Variants in LGSN observed in about 807,000 individuals in gnomAD.
LGSN encodes the protein lengsin, lens protein with glutamine synthetase domain.
In LGSN, 21 loss-of-function variants were observed where a neutral mutation model predicts 19.5. The observed-to-expected ratio is 1.07, with a 90% CI of 0.76 to 1.55. The LOEUF (loss-of-function observed/expected upper bound fraction) is 1.55. Ranked by LOEUF, LGSN falls within the 40% of genes most tolerant of loss-of-function variation. LGSN has a pLI of 0.00. For synonymous variants in LGSN, 257 were observed against 215.6 expected (o/e 1.19, Z -1.68); for missense variants, 673 against 608.5 (o/e 1.11, Z -1.12).
chr6:63,313,711 C>T (rs1768721736), intron 1 of LGSN, among the ~76,000 whole-genome samples: 1 of 152,040 alleles, frequency 6.6e-6, no homozygotes, highest in Admixed American at 6.6e-5. Context: ...TGGTGCACGC[C>T]TGTAATCCCA....
chr6:63,419,553 G>A, the LGSN span, among the ~76,000 whole-genome samples: 8 of 152,036 alleles, frequency 5.3e-5, no homozygotes, highest in African/African-American at 1.9e-4. Context: ...CTCCTTACCA[G>A]GGAAGCTTGA....
the LGSN span, among the ~76,000 whole-genome samples, chr6:63,486,404 C>G: frequency 5.9e-5 from 9 of 152,092 alleles, no homozygotes; most frequent in Non-Finnish European, 1.5e-5. Context: ...GGTCAGTTTG[C>G]CAAACTTCCA....
chr6:63,431,243 AAGCC>A, the LGSN span, among the ~76,000 whole-genome samples: 2 of 152,200 alleles, frequency 1.3e-5, no homozygotes, highest in African/African-American at 4.8e-5. Context: ...CTAGAAAGTA[AAGCC>A]AGGTTTTCTG....
the LGSN span, among the ~76,000 whole-genome samples, chr6:63,412,559 A>AGAGAGAGAAGAAAGAG: frequency 9.6e-5 from 13 of 135,108 alleles, no homozygotes; most frequent in African/African-American, 4.2e-4. Flanking sequence ...AGAAAGAAAG[A>AGAGAGAGAAGAAAGAG]AAGAAAGAAA....
the LGSN span, among the ~76,000 whole-genome samples, chr6:63,518,770 A>T: frequency 2.6e-5 from 4 of 152,334 alleles, no homozygotes; most frequent in South Asian, 8.3e-4. Flanking sequence ...AATAATCATA[A>T]ATGTACCTGG....
chr6:63,427,045 CTT>C, the LGSN span, among the ~76,000 whole-genome samples: 5 of 141,532 alleles, frequency 3.5e-5, no homozygotes, highest in Admixed American at 1.4e-4. Flanking sequence ...AGACCTTTCC[CTT>C]TTTTTTTTTT....
At chr6:63,411,212 A>G in the LGSN span, among the ~76,000 whole-genome samples, 1 of 152,162 alleles carries the variant, frequency 6.6e-6, no homozygotes, top group Admixed American at 6.6e-5. Flanking sequence ...TATATTCGTG[A>G]TTTGGAATTT....
chr6:63,350,617 CA>C, the LGSN span, among the ~76,000 whole-genome samples: 448 of 152,216 alleles, frequency 2.9e-3, 3 homozygotes, highest in African/African-American at 0.01. Context: ...TTTGGGAGGC[CA>C]AGGTGGGTGG....
the LGSN span, among the ~76,000 whole-genome samples, chr6:63,325,320 G>C: frequency 6.6e-6 from 1 of 152,016 alleles, no homozygotes; most frequent in Non-Finnish European, 1.5e-5. Flanking sequence ...TTGGTTCTTT[G>C]AAAAGATAAA....
the LGSN span, among the ~76,000 whole-genome samples, chr6:63,556,753 A>T: frequency 6.6e-6 from 1 of 152,246 alleles, no homozygotes; most frequent in Non-Finnish European, 1.5e-5. Context: ...AAGAATAAAA[A>T]GTATGATTAT....
the LGSN span, among the ~76,000 whole-genome samples, chr6:63,365,667 A>C: frequency 2.0e-5 from 3 of 152,210 alleles, no homozygotes; most frequent in African/African-American, 7.2e-5. Flanking sequence ...TTCCTGATGA[A>C]CATCAATGCA....
chr6:63,505,231 A>G, the LGSN span, among the ~76,000 whole-genome samples: 1 of 149,974 alleles, frequency 6.7e-6, no homozygotes, highest in Non-Finnish European at 1.5e-5. Flanking sequence ...ATCAAGCATT[A>G]TAAAGTGAAG....
the LGSN span, among the ~76,000 whole-genome samples, chr6:63,456,391 A>ATG: frequency 1.6e-4 from 18 of 110,424 alleles, no homozygotes; most frequent in Non-Finnish European, 2.9e-4. Context: ...ATATATATAT[A>ATG]TACTTTTTTT....
At chr6:63,379,198 C>G in the LGSN span, among the ~76,000 whole-genome samples, 1 of 151,402 alleles carries the variant, frequency 6.6e-6, no homozygotes, top group African/African-American at 2.4e-5. Context: ...TTTTTTAAAG[C>G]TCCTAGTTAT....
At chr6:63,531,438 C>T in the LGSN span, among the ~76,000 whole-genome samples, 2 of 151,482 alleles carry the variant, frequency 1.3e-5, no homozygotes, top group Admixed American at 1.3e-4. Flanking sequence ...ATGCAAAATG[C>T]CTACATAGAC....
chr6:63,281,712 C>T (rs1478179078), intron 3 of LGSN, among the ~76,000 whole-genome samples: 1 of 152,150 alleles, frequency 6.6e-6, no homozygotes, highest in Non-Finnish European at 1.5e-5. Context: ...TCTCAAATTG[C>T]AGACTATGGT....
the LGSN span, among the ~76,000 whole-genome samples, chr6:63,501,231 G>A: frequency 6.6e-6 from 1 of 151,956 alleles, no homozygotes; most frequent in Non-Finnish European, 1.5e-5. Flanking sequence ...AAATTAGCCA[G>A]GCGTAGTGTA....
intron 3 of LGSN, among the ~76,000 whole-genome samples, chr6:63,282,238 TGGAGAAAAATCACTGAGTATAAAAGGTTG>T (rs1283413674): frequency 2.0e-5 from 3 of 152,228 alleles, no homozygotes; most frequent in African/African-American, 7.2e-5. Context: ...CATTAATAGA[TGGAGAAAAATCACTGAGTATAAAAGGTTG>T]GTTCCCATGA....
chr6:63,481,218 G>A, the LGSN span, among the ~76,000 whole-genome samples: 1 of 152,086 alleles, frequency 6.6e-6, no homozygotes, highest in Non-Finnish European at 1.5e-5. Context: ...AGACTCAGAA[G>A]GGGCGGTGCT....
Sources: allele counts gnomAD v4.1 joint callset (sites outside exome capture counted in the v4.1 genomes callset), GRCh38; gene constraint gnomAD v4.1.1; transcripts MANE v1.5; gene names NCBI Gene and HGNC (gene_info 2026-07-23, HGNC 2026-07-21).